The following CAPRIN2 variants were observed in gnomAD, a reference collection of about 807,000 sequenced individuals.
CAPRIN2 encodes the protein caprin-2.
Under a neutral mutation model 130.4 loss-of-function variants are expected in CAPRIN2, and 66 were observed. The ratio of observed to expected loss-of-function variants is 0.51; its 90% CI spans 0.42 to 0.62. The LOEUF (loss-of-function observed/expected upper bound fraction) is 0.62, where lower values mean the gene tolerates loss of function less well. Among genes scored for constraint, CAPRIN2 ranks in the 20% least tolerant of loss-of-function variants. CAPRIN2 has a pLI of 0.00. For missense variants in CAPRIN2, 1,185 were observed against 1,246.6 expected (o/e 0.95, Z 0.74); for synonymous variants, 471 against 444.1 (o/e 1.06, Z -0.76).
intron 16 of CAPRIN2, 110 bp downstream of exon 18, chr12:30,711,456 A>G: frequency 2.3e-6 from 2 of 859,944 alleles, no homozygotes; most frequent in Admixed American, 2.0e-5. Flanking sequence ...GAAAACCTCA[A>G]CAAGATAAAT....
chr12:30,741,028 T>A, exon 3 of CAPRIN2: 1 of 1,605,658 alleles, frequency 6.2e-7, no homozygotes, highest in Non-Finnish European at 8.5e-7. Flanking sequence ...ACATCTAGGC[T>A]CAACCCAGAA....
rs550276275 is a variant in CAPRIN2 at position 30,718,659 on chromosome 12, T to C, written c.2149-1983A>G. On this transcript the variant is annotated intron_variant, in intron 12 of 16. Transcript: ENST00000298892. ...ATCTTGAGATCAGGATAAAATAAAA[T>C]GAAAGTTTCAGCAATGACAGAACAC... Among the ~76,000 whole-genome samples, 3 of 152,210 alleles carry C rather than the reference T, an allele frequency of 2.0e-5. No individual in the cohort carries two copies. In the South Asian group the frequency reaches 6.2e-4, roughly 32 times the overall value.
At chr12:30,734,502 CATA>C (rs766304248) in intron 4 of CAPRIN2, among the ~76,000 whole-genome samples, 16 of 152,230 alleles carry the variant, frequency 1.1e-4, no homozygotes, top group Non-Finnish European at 1.9e-4. Context: ...TTATTCACAG[CATA>C]ATAAGAACAC....
intron 2 of CAPRIN2, among the ~76,000 whole-genome samples, chr12:30,742,549 T>C (rs927656968): frequency 6.6e-6 from 1 of 151,578 alleles, no homozygotes; most frequent in African/African-American, 2.4e-5. Flanking sequence ...TAAAACTAAG[T>C]AGAGAGAACC....
intron 4 of CAPRIN2, 55 bp from the exon 6 acceptor site, chr12:30,733,766 G>C: frequency 1.7e-6 from 2 of 1,146,534 alleles, no homozygotes; most frequent in Non-Finnish European, 2.6e-6. Context: ...CATATATATG[G>C]AGCAGCACAA....
intron 3 of CAPRIN2, among the ~76,000 whole-genome samples, chr12:30,739,157 T>C (rs1037520511): frequency 1.3e-5 from 2 of 152,196 alleles, no homozygotes; most frequent in Non-Finnish European, 2.9e-5. Flanking sequence ...TCAATCTAAA[T>C]GCCCATCAAT....
rs2140126302 is a variant in CAPRIN2 at position 30,754,006 on chromosome 12, C to T, written c.-243G>A. 1.5e-5 allele frequency: 7 copies of T among 461,274 alleles called. No homozygotes were observed. In the South Asian group the frequency reaches 2.6e-4, roughly 17 times the overall value. 28.6% of individuals were successfully genotyped at this position (461,274 alleles called of 1,614,324 possible). A position where few individuals can be genotyped will look rare whatever the true frequency, so the allele number is the denominator to read the frequency against. ...GGGACCTAAGGCTGAGCCACTCAAA[C>T]CTCTTTACATGATCCCTCACCACCA... On this transcript the variant is annotated 5_prime_UTR_variant, in exon 1 of 17. Coordinates refer to ENST00000298892, the Ensembl canonical transcript of CAPRIN2.
At position 30,711,523 on chromosome 12, in the gene CAPRIN2, G is replaced by A. The variant is rs7962761; in HGVS notation, c.2665+43C>T. 9.4e-3 allele frequency: 13,469 copies of A among 1,439,434 alleles called. 977 individuals carry two copies. In the African/African-American group the frequency reaches 0.16, roughly 17 times the overall value. 89.2% of individuals were successfully genotyped at this position (1,439,434 alleles called of 1,614,324 possible). On this transcript the variant is annotated intron_variant, in intron 16 of 16. Coordinates refer to ENST00000298892, the Ensembl canonical transcript of CAPRIN2. ...GGTAGAGGATGCAGAAAGAACTAGA[G>A]ACATGTGCTGGGTAAGAAAACTATT...
exon 17 of CAPRIN2, chr12:30,709,733 A>G: frequency 1.5e-6 from 1 of 648,710 alleles, no homozygotes; most frequent in Non-Finnish European, 2.6e-6. Flanking sequence ...GCTAATTGTC[A>G]TTCAGCTTGA....
At chr12:30,728,583 G>C in intron 8 of CAPRIN2, 65 bp downstream of exon 9, 1 of 1,160,416 alleles carries the variant, frequency 8.6e-7, no homozygotes, top group Non-Finnish European at 1.2e-6. Context: ...GAACTAAAAA[G>C]TCATTACCAC....
chr12:30,742,516 C>T (rs2067965570), intron 2 of CAPRIN2, among the ~76,000 whole-genome samples: 2 of 152,020 alleles, frequency 1.3e-5, no homozygotes, highest in Non-Finnish European at 2.9e-5. Context: ...CCCAAAACTT[C>T]AAGCATCCAT....
chr12:30,718,178 T>C (rs558246336), intron 12 of CAPRIN2, among the ~76,000 whole-genome samples: 1 of 152,206 alleles, frequency 6.6e-6, no homozygotes, highest in Non-Finnish European at 1.5e-5. Context: ...TTTCATTCTG[T>C]AATGGAACAC....
chr12:30,722,324 C>T (rs1481817253), intron 11 of CAPRIN2, among the ~76,000 whole-genome samples: 1 of 152,082 alleles, frequency 6.6e-6, no homozygotes, highest in African/African-American at 2.4e-5. Flanking sequence ...AAAATATAGG[C>T]AACACCCTAG....
intron 5 of CAPRIN2, among the ~76,000 whole-genome samples, chr12:30,732,577 A>C (rs994139103): frequency 3.3e-5 from 5 of 152,020 alleles, no homozygotes; most frequent in African/African-American, 4.8e-5. Context: ...CCCCCTGAAA[A>C]CCAATAACCC....
chr12:30,716,265 C>T (rs1205584940), intron 13 of CAPRIN2: 3 of 394,146 alleles, frequency 7.6e-6, no homozygotes, highest in African/African-American at 2.1e-5. Context: ...TTTAAAAATA[C>T]AAACCTACTT....
In CAPRIN2 at chr12:30,711,808, A is replaced by T. The variant is rs111672743; in HGVS notation, c.2602-179T>A. ...CTAAGAAAAACAAAGCAAGGGCAAC[A>T]GTGGCATTACTTGCTTCACCTGTTA... is the stretch of plus-strand genomic sequence containing the variant. On this transcript the variant is annotated intron_variant, in intron 15 of 16. Transcript: ENST00000298892. 2.9e-4 allele frequency: 202 copies of T among 697,292 alleles called. 4 individuals are homozygous for T. In the Middle Eastern group the frequency reaches 6.0e-3, roughly 21 times the overall value. The allele number at this position is 697,292 out of a possible 1,614,324, so 43.2% of individuals were successfully genotyped here.
chr12:30,738,992 T>G (rs1387448762), intron 3 of CAPRIN2, among the ~76,000 whole-genome samples: 2 of 152,226 alleles, frequency 1.3e-5, no homozygotes, highest in African/African-American at 4.8e-5. Flanking sequence ...GAAAGCAGTG[T>G]GGCAATTCCT....
At chr12:30,748,420 C>T (rs1305374410) in intron 2 of CAPRIN2, among the ~76,000 whole-genome samples, 3 of 152,250 alleles carry the variant, frequency 2.0e-5, no homozygotes, top group African/African-American at 7.2e-5. Flanking sequence ...GCTCAGATGA[C>T]TATTAGCATT....
At chr12:30,734,761 A>G (rs2063903768) in intron 4 of CAPRIN2, among the ~76,000 whole-genome samples, 1 of 150,568 alleles carries the variant, frequency 6.6e-6, no homozygotes. Context: ...CTTCCAGACA[A>G]TCTGTCAACC....
Sources: gnomAD v4.1 joint callset for allele counts (sites outside exome capture counted in the v4.1 genomes callset) on GRCh38, gnomAD v4.1.1 for gene constraint, MANE v1.5 for transcripts, NCBI Gene and HGNC (gene_info 2026-07-23, HGNC 2026-07-21) for gene names.